Variants in ZNF469 observed in about 807,000 individuals in gnomAD.
ZNF469 encodes the protein zinc finger protein 469.
ZNF469 carries 1 observed loss-of-function variant against 1.0 expected under a neutral mutation model. The observed-to-expected ratio is 1.00, with a 90% CI of 0.35 to 4.73. ZNF469 has a LOEUF of 4.73. Among genes scored for constraint, ZNF469 ranks in the 30% most tolerant of loss-of-function variants. The pLI, the probability that ZNF469 is intolerant of heterozygous loss-of-function variation, is 0.16. For missense variants in ZNF469, 6,100 were observed against 5,356.3 expected (o/e 1.14, Z -4.33); for synonymous variants, 2,703 against 2,363.4 (o/e 1.14, Z -4.17).
chr16:88,408,436 G>A (rs905036796), intron 1 of ZNF469, among the ~76,000 whole-genome samples: 2 of 152,256 alleles, frequency 1.3e-5, no homozygotes, highest in Admixed American at 1.3e-4. Flanking sequence ...TCAGGCGTGA[G>A]CCACCGTGCC....
chr16:88,110,788 G>C, the ZNF469 span, among the ~76,000 whole-genome samples: 603 of 152,370 alleles, frequency 4.0e-3, 1 homozygote, highest in African/African-American at 0.014. Context: ...GCAGGTGCTT[G>C]TGGGCTCTAA....
chr16:88,172,323 G>A, the ZNF469 span, among the ~76,000 whole-genome samples: 14 of 152,288 alleles, frequency 9.2e-5, no homozygotes, highest in African/African-American at 2.9e-4. Context: ...CACACAGGGT[G>A]GGGGACGGTT....
the ZNF469 span, among the ~76,000 whole-genome samples, chr16:88,176,613 A>C: frequency 6.6e-6 from 1 of 152,118 alleles, no homozygotes; most frequent in South Asian, 2.1e-4. Context: ...CTCAATCTTG[A>C]AACTCTAAGA....
In ZNF469 at chr16:88,431,377, G is replaced by T; in HGVS notation, c.3907G>T (p.Gly1303Cys). 6.5e-7 allele frequency: 1 copy of T among 1,550,016 alleles called. No individual in the cohort carries two copies. Among genetic ancestry groups the T allele is most frequent in the Non-Finnish European group, 8.7e-7 (1 of 1,146,922 alleles). The change falls in exon 3 of 3, where the codon GGT (glycine) becomes TGT (cysteine). Residue 1303 changes from glycine to cysteine, a missense_variant. By Grantham distance (159) the Gly-to-Cys change is radical. Coordinates refer to ENST00000565624, the MANE Select transcript of ZNF469 (RefSeq NM_001367624.2). ...AACGCCAGGTGTGGGCAGCCTGCTG[G>T]GTGGTCCTGGGGGCACACAGGCCCC... is the stretch of plus-strand genomic sequence containing the variant. ...SPTPGVGSLL[G>C]GPGGTQAPVS...
the ZNF469 span, among the ~76,000 whole-genome samples, chr16:88,268,063 C>G: frequency 1.3e-5 from 2 of 152,134 alleles, no homozygotes; most frequent in Admixed American, 6.6e-5. Context: ...CGCTTTTCCC[C>G]TCTTCATGGA....
chr16:88,299,196 G>C, the ZNF469 span, among the ~76,000 whole-genome samples: 2 of 149,588 alleles, frequency 1.3e-5, no homozygotes, highest in Non-Finnish European at 3.0e-5. Flanking sequence ...GGGCTTCCTG[G>C]AGGAGGCAGC....
Position 88,438,083 on chromosome 16 carries a change from TC to T in ZNF469, c.10614del (p.Arg3539GlufsTer181). The T allele has an allele frequency of 1.9e-6, 3 of 1,550,336 alleles. No homozygotes were observed. Among genetic ancestry groups the T allele is most frequent in the Non-Finnish European group, 2.6e-6 (3 of 1,146,940 alleles). ...CCTGTAGACCCCGTGACCCACCCGA[TC>T]AGAGGTTGTGAGCTGCCATCCAACC... ...ERPVDPVTHP[I>X]RGCELPSNHQ... On this transcript the variant is annotated frameshift_variant, in exon 3 of 3. Coordinates refer to ENST00000565624, the MANE Select transcript of ZNF469 (RefSeq NM_001367624.2). LOFTEE classifies it low-confidence loss of function (END_TRUNC).
chr16:88,237,336 CTCACCCTCCCT>C, the ZNF469 span, among the ~76,000 whole-genome samples: 2 of 664 alleles, frequency 3.0e-3, no homozygotes, highest in African/African-American at 3.3e-3. Context: ...GCTCCTGCCA[CTCACCCTCCCT>C]GCCCTCTGTG....
intron 1 of ZNF469, among the ~76,000 whole-genome samples, chr16:88,402,319 A>C (rs1034507): frequency 0.36 from 54,511 of 151,996 alleles, 10,840 homozygotes; most frequent in African/African-American, 0.53. Flanking sequence ...CTAGTGCAGG[A>C]AGCAGATTCA....
the ZNF469 span, among the ~76,000 whole-genome samples, chr16:88,289,495 A>T: frequency 6.6e-6 from 1 of 152,176 alleles, no homozygotes; most frequent in Non-Finnish European, 1.5e-5. Context: ...ACTGCGAGTT[A>T]TTGAGTGTTT....
At chr16:88,299,980 C>T in the ZNF469 span, among the ~76,000 whole-genome samples, 9 of 152,270 alleles carry the variant, frequency 5.9e-5, no homozygotes, top group East Asian at 1.4e-3. Context: ...GGTCTCTCCC[C>T]GGGGAGCCTG....
At chr16:88,381,730 G>A (rs114484537), upstream of ZNF469, among the ~76,000 whole-genome samples, 427 of 152,344 alleles carry the variant, frequency 2.8e-3, 3 homozygotes, top group African/African-American at 9.8e-3. Flanking sequence ...TTCAATTCAC[G>A]TTTTCGCGTC....
intron 1 of ZNF469, among the ~76,000 whole-genome samples, chr16:88,387,550 C>G (rs910742545): frequency 1.3e-5 from 2 of 152,212 alleles, no homozygotes; most frequent in East Asian, 3.9e-4. Context: ...GGCTGTGACC[C>G]GGCGTCAAAC....
chr16:88,438,447 G>A lies in ZNF469; in HGVS notation c.10977G>A (p.Gly3659=), dbSNP rs766526523. The A allele has an allele frequency of 6.5e-7, 1 of 1,550,162 alleles. No homozygotes were observed. Among genetic ancestry groups the A allele is most frequent in the South Asian group, 1.2e-5 (1 of 84,070 alleles). The change falls in exon 3 of 3, where the codon GGG becomes GGA. Residue 3659 remains glycine (G), a synonymous_variant. Transcript: ENST00000565624. ...EVSSSHMVSE[G]GPRGAFHKGS... is the part of the protein sequence containing the mutation. ...CCTCAAGCCACATGGTGTCTGAGGG[G>A]GGGCCCCGAGGCGCCTTCCACAAGG...
At chr16:88,112,873 G>A in the ZNF469 span, among the ~76,000 whole-genome samples, 2 of 143,018 alleles carry the variant, frequency 1.4e-5, no homozygotes, top group Non-Finnish European at 3.0e-5. Flanking sequence ...TGCCTCCCGG[G>A]TTTGCGCTAT....
At position 88,433,627 on chromosome 16, in the gene ZNF469, G is replaced by A. The variant is rs1346586544; in HGVS notation, c.6157G>A (p.Glu2053Lys). 2.3e-5 allele frequency: 36 copies of A among 1,550,156 alleles called. No homozygotes were observed. The highest frequency in any genetic ancestry group is 5.5e-5 in the African/African-American group (4 of 73,044). The change falls in exon 3 of 3, where the codon GAG becomes AAG. Residue 2053 changes from glutamate to lysine, a missense_variant. Glu to Lys is a moderately conservative substitution (Grantham distance 56, BLOSUM62 1). Coordinates refer to ENST00000565624, the MANE Select transcript of ZNF469 (RefSeq NM_001367624.2). ...AGCCATGAGCCTTCAGGAGGAGGCC[G>A]AGCCCACCCCAAGCCCCCCGTCCCC... ...RAAMSLQEEA[E>K]PTPSPPSPNR...
At chr16:88,175,073 T>C in the ZNF469 span, among the ~76,000 whole-genome samples, 1 of 152,130 alleles carries the variant, frequency 6.6e-6, no homozygotes, top group African/African-American at 2.4e-5. Flanking sequence ...TCTTCTTTCC[T>C]TTGGGAAAGG....
chr16:88,206,534 C>T, the ZNF469 span, among the ~76,000 whole-genome samples: 1 of 151,954 alleles, frequency 6.6e-6, no homozygotes, highest in African/African-American at 2.4e-5. Context: ...CAAAGGCTGC[C>T]GATTACCACA....
upstream of ZNF469, among the ~76,000 whole-genome samples, chr16:88,380,362 C>G (rs2092518137): frequency 6.9e-6 from 1 of 144,508 alleles, no homozygotes; most frequent in African/African-American, 2.7e-5. Context: ...TGCGCTCACA[C>G]ACAGACATGC....
Sources: allele counts gnomAD v4.1 joint callset (sites outside exome capture counted in the v4.1 genomes callset), GRCh38; gene constraint gnomAD v4.1.1; transcripts MANE v1.5; gene names NCBI Gene and HGNC (gene_info 2026-07-23, HGNC 2026-07-21).